ATOSA: variants seen among roughly 807,000 people sequenced by gnomAD.
The protein encoded by ATOSA is atos homolog protein A.
the ATOSA span, among the ~76,000 whole-genome samples, chr15:52,667,745 T>C: frequency 6.6e-6 from 1 of 152,302 alleles, no homozygotes; most frequent in African/African-American, 2.4e-5. Flanking sequence ...ACATGTTGTA[T>C]CTGGGGCTGA....
the ATOSA span, among the ~76,000 whole-genome samples, chr15:52,627,817 A>T: frequency 0.018 from 2,685 of 152,234 alleles, 84 homozygotes; most frequent in African/African-American, 0.062. Flanking sequence ...CCTGGGCCTC[A>T]GCCACCAGTA....
At chr15:52,660,554 G>A in the ATOSA span, among the ~76,000 whole-genome samples, 1,159 of 152,218 alleles carry the variant, frequency 7.6e-3, 16 homozygotes, top group African/African-American at 0.027. Flanking sequence ...TTCCTTCAGC[G>A]CACTTGGAAT....
the ATOSA span, among the ~76,000 whole-genome samples, chr15:52,622,490 C>G: frequency 6.6e-6 from 1 of 152,078 alleles, no homozygotes; most frequent in African/African-American, 2.4e-5. Context: ...CAGGCACTTT[C>G]GTAGACACTG....
At chr15:52,679,758 C>CGT in the ATOSA span, among the ~76,000 whole-genome samples, 1 of 7,274 alleles carries the variant, frequency 1.4e-4, no homozygotes, top group African/African-American at 5.3e-4. Context: ...GTCGTCGTCT[C>CGT]CTCCTCCTCC....
chr15:52,583,548 G>A, the ATOSA span, among the ~76,000 whole-genome samples: 1 of 152,092 alleles, frequency 6.6e-6, no homozygotes, highest in Non-Finnish European at 1.5e-5. Context: ...ACCACGCCTG[G>A]CTAATTTTTG....
At chr15:52,676,021 A>G in the ATOSA span, among the ~76,000 whole-genome samples, 5 of 152,220 alleles carry the variant, frequency 3.3e-5, no homozygotes, top group African/African-American at 1.2e-4. Flanking sequence ...AAGGATAAAT[A>G]TATTAACAAC....
the ATOSA span, among the ~76,000 whole-genome samples, chr15:52,597,101 C>T: frequency 2.1e-4 from 32 of 152,172 alleles, no homozygotes; most frequent in Non-Finnish European, 4.4e-4. Flanking sequence ...GGTATAATCA[C>T]TTTGGAAAAT....
the ATOSA span, chr15:52,593,593 A>T: frequency 6.4e-7 from 1 of 1,572,132 alleles, no homozygotes. Flanking sequence ...AAGGAGAGGG[A>T]GCATTGTCAT....
At chr15:52,687,096 G>A in the ATOSA span, among the ~76,000 whole-genome samples, 2 of 152,200 alleles carry the variant, frequency 1.3e-5, no homozygotes, top group Admixed American at 1.3e-4. Context: ...AATCTAGAAG[G>A]GAGACAGTCA....
chr15:52,651,546 C>T, the ATOSA span, among the ~76,000 whole-genome samples: 1 of 152,296 alleles, frequency 6.6e-6, no homozygotes, highest in Non-Finnish European at 1.5e-5. Flanking sequence ...ATGCTTCTGG[C>T]TAATGCACAT....
the ATOSA span, among the ~76,000 whole-genome samples, chr15:52,649,135 G>T: frequency 1.3e-5 from 2 of 152,078 alleles, no homozygotes; most frequent in Non-Finnish European, 2.9e-5. Context: ...AAGCAATACA[G>T]TTTATGCAAA....
the ATOSA span, chr15:52,657,745 A>T: frequency 6.6e-6 from 1 of 152,232 alleles, no homozygotes; most frequent in Admixed American, 6.5e-5. Flanking sequence ...TAGCTTACAC[A>T]GAGAAGGTAA....
chr15:52,693,844 C>G, the ATOSA span, among the ~76,000 whole-genome samples: 7 of 152,300 alleles, frequency 4.6e-5, no homozygotes, highest in East Asian at 1.3e-3. Context: ...CTAATACCAA[C>G]TTAATAGAAA....
the ATOSA span, among the ~76,000 whole-genome samples, chr15:52,689,325 C>T: frequency 6.6e-6 from 1 of 152,218 alleles, no homozygotes; most frequent in East Asian, 1.9e-4. Context: ...ACATTTTCCT[C>T]TCAGTAAATT....
chr15:52,589,543 T>TA, the ATOSA span, among the ~76,000 whole-genome samples: 90,423 of 151,888 alleles, frequency 0.6, 29,832 homozygotes, highest in Non-Finnish European at 0.74. Context: ...TCAATTTATT[T>TA]AAAAAAACAG....
At chr15:52,642,665 TCTCA>T in the ATOSA span, among the ~76,000 whole-genome samples, 1 of 152,160 alleles carries the variant, frequency 6.6e-6, no homozygotes, top group East Asian at 1.9e-4. Flanking sequence ...GCCTCCTCTC[TCTCA>T]CTTATTTCCA....
the ATOSA span, among the ~76,000 whole-genome samples, chr15:52,670,123 A>G: frequency 6.6e-6 from 1 of 152,106 alleles, no homozygotes. Context: ...GCTGGTTTTG[A>G]CTTTTTTCTA....
the ATOSA span, among the ~76,000 whole-genome samples, chr15:52,631,660 A>G: frequency 1.3e-5 from 2 of 152,240 alleles, no homozygotes; most frequent in Non-Finnish European, 2.9e-5. Context: ...AGCAAGCAAC[A>G]TATCTCGAAT....
the ATOSA span, chr15:52,611,121 T>C: frequency 2.5e-6 from 4 of 1,609,030 alleles, no homozygotes; most frequent in Admixed American, 3.4e-5. Context: ...TTTTTGGCCC[T>C]AGACATACCT....
Sources: gnomAD v4.1 joint callset for allele counts (sites outside exome capture counted in the v4.1 genomes callset) on GRCh38, gnomAD v4.1.1 for gene constraint, MANE v1.5 for transcripts, NCBI Gene and HGNC (gene_info 2026-07-23, HGNC 2026-07-21) for gene names.